The following ZP4 variants were observed in gnomAD, a reference collection of about 807,000 sequenced individuals.
ZP4 encodes the protein zona pellucida glycoprotein 4.
Under a neutral mutation model 62.3 loss-of-function variants are expected in ZP4, and 62 were observed. The observed-to-expected ratio is 0.99, with a 90% confidence interval of 0.81 to 1.23. The LOEUF (loss-of-function observed/expected upper bound fraction) is 1.23, where lower values mean the gene tolerates loss of function less well. Ranked by LOEUF, ZP4 falls within the 50% of genes most tolerant of loss-of-function variation. The pLI is 0.00. For missense variants in ZP4, 774 were observed against 656.0 expected, an observed-to-expected ratio of 1.18 and a Z score of -1.97; for synonymous variants, 289 against 247.3, an observed-to-expected ratio of 1.17 and a Z score of -1.58.
intron 10 of ZP4, among the ~76,000 whole-genome samples, chr1:237,883,621 GGA>G (rs1392819107): frequency 4.5e-5 from 2 of 44,836 alleles, no homozygotes; most frequent in Non-Finnish European, 7.0e-5. Flanking sequence ...GGCTGAGGTG[GGA>G]GAGAGGGGGA....
In ZP4 at chr1:237,885,583, G is replaced by C. The variant is rs761043873; in HGVS notation, c.971-3C>G. 3 of 1,612,010 alleles carry C rather than the reference G, an allele frequency of 1.9e-6. No homozygotes were observed. The highest frequency in any genetic ancestry group is 2.5e-6 in the Non-Finnish European group (3 of 1,179,160). On this transcript the variant is annotated splice_region_variant and splice_polypyrimidine_tract_variant and intron_variant, in intron 7 of 11. Transcript: ENST00000366570. ...GTAGTAAGAGCCATAGTTTTTATCT[G>C]CAAGAGGCAGAAATAAGGATTTGAA...
rs896242478 is a variant in ZP4, at chr1:237,890,920, G to A, written c.-285C>T. 3 of 308,632 alleles carry A rather than the reference G, an allele frequency of 9.7e-6. No individual in the cohort carries two copies. Among genetic ancestry groups the A allele is most frequent in the Middle Eastern group, 9.2e-4 (1 of 1,090 alleles). 19.1% of individuals were successfully genotyped at this position (308,632 alleles called of 1,614,324 possible). A position where few individuals can be genotyped will look rare whatever the true frequency, so the allele number is the denominator to read the frequency against. ...AGCTAACAGAAAGGAAGGAAAGAAA[G>A]CTTCCTCAGGGTTGCTCAACATAGC... On this transcript the variant is annotated 5_prime_UTR_variant, in exon 1 of 12. Coordinates refer to ENST00000366570, the MANE Select transcript of ZP4 (RefSeq NM_021186.5).
In ZP4 at chr1:237,888,446, T is replaced by A; in HGVS notation, c.465A>T (p.Ala155=). 2 of 1,612,482 alleles carry A rather than the reference T, an allele frequency of 1.2e-6. No individual in the cohort carries two copies. The highest frequency in any genetic ancestry group is 1.7e-6 in the Non-Finnish European group (2 of 1,178,990). Residue 155 remains alanine (A), a synonymous_variant, in exon 4 of 12, where the codon GCA becomes GCT. Transcript: ENST00000366570. ...SIPARDRLPC[A]PSPISRGDCE... ...AGTCTCCTCGAGAGATGGGTGAAGG[T>A]GCACATGGCAGTCTGTCCCGTGCTG...
chr1:237,888,872 T>TA (rs1318937491), intron 3 of ZP4, among the ~76,000 whole-genome samples: 1 of 152,206 alleles, frequency 6.6e-6, no homozygotes, highest in Non-Finnish European at 1.5e-5. Flanking sequence ...AAGATTGTTT[T>TA]TGAGTTCAGG....
At chr1:237,883,726 G>GAAGAGAGA (rs1558530140) in intron 10 of ZP4, among the ~76,000 whole-genome samples, 7 of 16,240 alleles carry the variant, frequency 4.3e-4, no homozygotes, top group East Asian at 6.4e-3. Context: ...GGGGAGGGCG[G>GAAGAGAGA]GGGAGGGAGA....
rs745902324 is a variant in ZP4 at position 237,885,565 on chromosome 1, G to C, written c.986C>G (p.Ser329Cys). Residue 329 changes from serine (S) to cysteine (C), a missense_variant, in exon 8 of 12, where the codon TCT becomes TGT. Transcript: ENST00000366570. ...TGGGTAGTCACCAACACCGTAGTAA[G>C]AGCCATAGTTTTTATCTGCAAGAGG... ...LQIAKDKNYGSYYGVGDYPVV... is the reference protein window; with the variant it reads ...LQIAKDKNYGCYYGVGDYPVV... The C allele has an allele frequency of 1.0e-4, 163 of 1,613,104 alleles. No homozygotes were observed. In the Middle Eastern group the frequency reaches 2.5e-3, roughly 24 times the overall value.
rs774379451 is a variant in ZP4 at position 237,889,989 on chromosome 1, G to A, written c.298-20C>T. 3.1e-6 allele frequency: 5 copies of A among 1,614,140 alleles called. No homozygotes were observed. Among genetic ancestry groups the A allele is most frequent in the Non-Finnish European group, 2.5e-6 (3 of 1,180,032 alleles). On this transcript the variant is annotated intron_variant, in intron 2 of 11. Coordinates refer to ENST00000366570, the MANE Select transcript of ZP4 (RefSeq NM_021186.5). ...GGAGTCCTGGAGAGACAGGCCCTTG[G>A]GGGTCAGCCTGGATGGTAGCATGAG...
chr1:237,886,780 C>G lies in ZP4; in HGVS notation c.830G>C (p.Ser277Thr). ...CTGGCCAAGCCCTTACCTGAAGATGCTGTCACGAGTGACAGAGCCACGGCT... is the reference window on the plus strand; with the variant it reads ...CTGGCCAAGCCCTTACCTGAAGATGGTGTCACGAGTGACAGAGCCACGGCT... Reference protein sequence around the residue: ...NGSRGSVTRDSIFRLHVSCSY... With the variant: ...NGSRGSVTRDTIFRLHVSCSY... The change falls in exon 6 of 12, where the codon AGC becomes ACC. Residue 277 changes from serine to threonine, a missense_variant. Transcript: ENST00000366570. 2.5e-6 allele frequency: 4 copies of G among 1,613,796 alleles called. No homozygotes were observed. The highest frequency in any genetic ancestry group is 3.4e-6 in the Non-Finnish European group (4 of 1,179,818).
At position 237,886,754 on chromosome 1, in the gene ZP4, T is replaced by G. The variant is rs750239381; in HGVS notation, c.839+17A>C. 1 of 1,610,408 alleles carries G rather than the reference T, an allele frequency of 6.2e-7. No individual in the cohort carries two copies. Among genetic ancestry groups the G allele is most frequent in the East Asian group, 2.2e-5 (1 of 44,854 alleles). On this transcript the variant is annotated intron_variant, in intron 6 of 11. Transcript: ENST00000366570. ...CACCTTATGGCAGATGGGAAGTCAT[T>G]CTGGCCAAGCCCTTACCTGAAGATG...
intron 10 of ZP4, 66 bp from the exon 11 acceptor site, chr1:237,882,912 T>C (rs1364293330): frequency 4.9e-6 from 7 of 1,415,206 alleles, no homozygotes; most frequent in East Asian, 4.6e-5. Flanking sequence ...ATAGAAAATG[T>C]TATGGTGCAA....
rs1558534272 is a variant in ZP4, at chr1:237,888,353, C to CA, written c.553+4_553+5insT. On this transcript the variant is annotated splice_donor_region_variant and intron_variant, in intron 4 of 11. Coordinates refer to ENST00000366570, the MANE Select transcript of ZP4 (RefSeq NM_021186.5). Reference sequence around the variant, plus strand: ...CTGGTTTCAGAGGTGTGCTCACTTACTCACCAGTGTTTCCATAGTAGCAGG... The same window carrying CA: ...CTGGTTTCAGAGGTGTGCTCACTTACATCACCAGTGTTTCCATAGTAGCAGG... 6.4e-7 allele frequency: 1 copy of CA among 1,571,848 alleles called. No individual in the cohort carries two copies.
chr1:237,890,713 C>T lies in ZP4; in HGVS notation c.-78G>A. On this transcript the variant is annotated 5_prime_UTR_variant, in exon 1 of 12. Coordinates refer to ENST00000366570, the MANE Select transcript of ZP4 (RefSeq NM_021186.5). ...AGCCGAGGGTCTGCCTGCCCAGATT[C>T]CTTTATATACAGAAGTCAGGCTTGT... 1 of 1,491,556 alleles carries T rather than the reference C, an allele frequency of 6.7e-7. No homozygotes were observed. Among genetic ancestry groups the T allele is most frequent in the South Asian group, 1.3e-5 (1 of 75,236 alleles). 92.4% of individuals were successfully genotyped at this position (1,491,556 alleles called of 1,614,324 possible). A position where few individuals can be genotyped will look rare whatever the true frequency, so the allele number is the denominator to read the frequency against.
chr1:237,888,193 G>T (rs771103571), intron 4 of ZP4, among the ~76,000 whole-genome samples, 165 bp downstream of exon 4: 1 of 152,226 alleles, frequency 6.6e-6, no homozygotes, highest in Non-Finnish European at 1.5e-5. Context: ...ATGGACAGTG[G>T]GAGTTGTAGA....
At chr1:237,883,782 G>A (rs1166973075) in intron 10 of ZP4, among the ~76,000 whole-genome samples, 3 of 141,496 alleles carry the variant, frequency 2.1e-5, no homozygotes, top group Admixed American at 6.9e-5. Flanking sequence ...GAAGAGAGAG[G>A]AAGAGAGAGG....
rs1558531261 is a variant in ZP4, at chr1:237,884,043, A to AAACACAC, written c.1390+725_1390+726insGTGTGTT. On this transcript the variant is annotated intron_variant, in intron 10 of 11. Coordinates refer to ENST00000366570, the MANE Select transcript of ZP4 (RefSeq NM_021186.5). ...ACACACACACACACAAACACACACA[A>AAACACAC]ACACACACAAACACACACAAACACA... is the stretch of plus-strand genomic sequence containing the variant. Among the ~76,000 whole-genome samples, 624 of 104,716 alleles carry AAACACAC rather than the reference A, an allele frequency of 6.0e-3. 12 individuals carry two copies. The highest frequency in any genetic ancestry group is 0.033 in the African/African-American group (589 of 17,944). 68.7% of individuals were successfully genotyped at this position (104,716 alleles called of 152,430 possible).
In ZP4 at chr1:237,882,742, G is replaced by A. The variant is rs746065733; in HGVS notation, c.1495C>T (p.Arg499Cys). The change falls in exon 11 of 12, where the codon CGT becomes TGT. Residue 499 changes from arginine to cysteine, a missense_variant and splice_region_variant. Physicochemically the swap from Arg to Cys is radical, Grantham distance 180. Coordinates refer to ENST00000366570, the MANE Select transcript of ZP4 (RefSeq NM_021186.5). ...QATKDPPEKL[R>C]VPVDSKVLWV... ...GATCTCCTCCCTCTTGGATACTTACGGAGCTTTTCTGGAGGGTCCTTAGTG... is the reference window on the plus strand; with the variant it reads ...GATCTCCTCCCTCTTGGATACTTACAGAGCTTTTCTGGAGGGTCCTTAGTG... 1.9e-5 allele frequency: 31 copies of A among 1,613,640 alleles called. No homozygotes were observed. The highest frequency in any genetic ancestry group is 1.3e-4 in the African/African-American group (10 of 74,866).
intron 10 of ZP4, among the ~76,000 whole-genome samples, chr1:237,884,043 A>ACACAAACACACACACAAACACAC (rs1558531257): frequency 1.9e-4 from 20 of 104,876 alleles, no homozygotes; most frequent in African/African-American, 8.8e-4. Context: ...AACACACACA[A>ACACAAACACACACACAAACACAC]ACACACACAA....
At position 237,883,973 on chromosome 1, in the gene ZP4, C is replaced by A. The variant is rs1490844415; in HGVS notation, c.1390+796G>T. The stretch of plus-strand genomic sequence containing the variant: ...AGAACTGGTCACACACACAAACACA[C>A]ACACACACAAACACACACACACACA... On this transcript the variant is annotated intron_variant, in intron 10 of 11. Transcript: ENST00000366570. Among the ~76,000 whole-genome samples the A allele has an allele frequency of 6.5e-5, 4 of 61,098 alleles. 1 individual carries two copies. Among genetic ancestry groups the A allele is most frequent in the South Asian group, 1.8e-3 (2 of 1,140 alleles). 40.1% of individuals were successfully genotyped at this position (61,098 alleles called of 152,430 possible).
intron 4 of ZP4, 74 bp downstream of exon 4, chr1:237,888,284 C>T: frequency 7.0e-7 from 1 of 1,433,760 alleles, no homozygotes; most frequent in Non-Finnish European, 9.3e-7. Flanking sequence ...GCCTTCTGAG[C>T]AAACCCCTCT....
Sources: allele counts gnomAD v4.1 joint callset (sites outside exome capture counted in the v4.1 genomes callset), GRCh38; gene constraint gnomAD v4.1.1; transcripts MANE v1.5; gene names NCBI Gene and HGNC (gene_info 2026-07-23, HGNC 2026-07-21).